The following ZC3H12B variants were observed in gnomAD, a reference collection of about 807,000 sequenced individuals.
ZC3H12B encodes probable ribonuclease ZC3H12B.
A neutral mutation model predicts 43.9 loss-of-function variants in ZC3H12B; 7 were observed. The ratio of observed to expected loss-of-function variants is 0.16; its 90% CI spans 0.09 to 0.30. The LOEUF is 0.30. ZC3H12B is among the 10% of genes least tolerant of loss of function. The pLI is 1.00. For missense variants in ZC3H12B, 475 were observed against 670.2 expected (o/e 0.71, Z 3.22); for synonymous variants, 222 against 241.7 (o/e 0.92, Z 0.76).
chrX:65,116,355 T>G, the ZC3H12B span, among the ~76,000 whole-genome samples: 1 of 111,053 alleles, frequency 9.0e-6, no homozygotes, highest in Non-Finnish European at 1.9e-5. Flanking sequence ...ATCAGTTGGA[T>G]GTAAGTATTT....
rs377456228 is a variant in ZC3H12B at position 65,498,890 on chromosome X, C to A, written c.749-109C>A. On this transcript the variant is annotated intron_variant, in intron 2 of 4. Transcript: ENST00000338957. ...ACAGGGCCTACTTTCCCTCTAAGAG[C>A]AAATAATATCTTCATCCAGTACCAA... The A allele has an allele frequency of 1.7e-4, 100 of 596,677 alleles. 1 individual carries two copies. The East Asian group carries it at 2.2e-3, about 13-fold the overall frequency. 49.2% of individuals were successfully genotyped at this position (596,677 alleles called of 1,213,427 possible). A position where few individuals can be genotyped will look rare whatever the true frequency, so the allele number is the denominator to read the frequency against.
chrX:65,207,176 G>C, the ZC3H12B span, among the ~76,000 whole-genome samples: 2 of 107,216 alleles, frequency 1.9e-5, no homozygotes, highest in African/African-American at 6.8e-5. Context: ...TAGAAAAAAA[G>C]AAGTCATTAT....
At chrX:65,190,329 G>A in the ZC3H12B span, among the ~76,000 whole-genome samples, 2 of 110,828 alleles carry the variant, frequency 1.8e-5, no homozygotes, top group African/African-American at 6.6e-5. Flanking sequence ...TTCTAATTCT[G>A]TGAAGAAAGT....
chrX:65,385,669 T>A (rs1363307585), intron 2 of ZC3H12B, among the ~76,000 whole-genome samples: 1 of 111,545 alleles, frequency 9.0e-6, no homozygotes, highest in Non-Finnish European at 1.9e-5. Context: ...TGGCCAGAAA[T>A]TCCAACACTG....
the ZC3H12B span, among the ~76,000 whole-genome samples, chrX:65,227,524 A>T: frequency 9.0e-6 from 1 of 111,182 alleles, no homozygotes; most frequent in South Asian, 3.7e-4. Flanking sequence ...GCAAGAAATA[A>T]CTAAAATCAG....
the ZC3H12B span, among the ~76,000 whole-genome samples, chrX:65,280,206 C>A: frequency 8.9e-6 from 1 of 112,112 alleles, no homozygotes; most frequent in East Asian, 2.8e-4. Flanking sequence ...ACACCATGAC[C>A]AAATGGGATT....
At chrX:65,365,291 G>A (rs775477751), upstream of ZC3H12B, among the ~76,000 whole-genome samples, 14 of 111,371 alleles carry the variant, frequency 1.3e-4, no homozygotes, top group Non-Finnish European at 2.1e-4. Context: ...ACCCTCTTGA[G>A]TACTCTAATT....
At chrX:65,126,860 T>G in the ZC3H12B span, among the ~76,000 whole-genome samples, 1 of 108,830 alleles carries the variant, frequency 9.2e-6, no homozygotes, top group Non-Finnish European at 1.9e-5. Context: ...TTGTGATTGT[T>G]TTTTTATTTA....
intron 3 of ZC3H12B, among the ~76,000 whole-genome samples, chrX:65,441,819 G>A (rs950050539): frequency 2.7e-5 from 3 of 110,918 alleles, no homozygotes; most frequent in South Asian, 3.9e-4. Context: ...CAGCTGTGGC[G>A]GAGGACAGAC....
the ZC3H12B span, among the ~76,000 whole-genome samples, chrX:65,169,607 T>C: frequency 8.9e-6 from 1 of 111,736 alleles, no homozygotes; most frequent in African/African-American, 3.3e-5. Flanking sequence ...TTCTGTCTTA[T>C]TGATCTGTCT....
chrX:65,276,560 A>T, the ZC3H12B span, among the ~76,000 whole-genome samples: 12 of 110,785 alleles, frequency 1.1e-4, no homozygotes, highest in East Asian at 3.4e-3. Context: ...TGTCTGGCAG[A>T]AAAAAAAACT....
At chrX:65,407,156 GAAGAA>G (rs1352731080) in intron 3 of ZC3H12B, among the ~76,000 whole-genome samples, 26 of 113,162 alleles carry the variant, frequency 2.3e-4, no homozygotes, top group African/African-American at 6.4e-4. Flanking sequence ...GAAGACTGAG[GAAGAA>G]AAGAAAGAAG....
At chrX:65,431,607 A>G (rs2067162656) in intron 3 of ZC3H12B, among the ~76,000 whole-genome samples, 3 of 112,493 alleles carry the variant, frequency 2.7e-5, no homozygotes, top group Admixed American at 9.4e-5. Context: ...TTGATTATTG[A>G]AATTATCCTC....
chrX:65,243,584 A>G, the ZC3H12B span, among the ~76,000 whole-genome samples: 208 of 112,037 alleles, frequency 1.9e-3, no homozygotes, highest in Non-Finnish European at 2.9e-3. Flanking sequence ...AACTAAAAAT[A>G]GAATTATCAT....
chrX:65,225,113 G>C, the ZC3H12B span, among the ~76,000 whole-genome samples: 1 of 111,769 alleles, frequency 8.9e-6, no homozygotes, highest in African/African-American at 3.3e-5. Context: ...CAGCCTAACT[G>C]GGAGGCACCC....
chrX:65,190,698 G>A, the ZC3H12B span, among the ~76,000 whole-genome samples: 2 of 109,818 alleles, frequency 1.8e-5, no homozygotes, highest in Non-Finnish European at 3.8e-5. Flanking sequence ...GAGATTTTGG[G>A]CTGAGACAAT....
the ZC3H12B span, among the ~76,000 whole-genome samples, chrX:65,243,413 ATATAT>A: frequency 2.7e-5 from 3 of 112,066 alleles, no homozygotes; most frequent in Non-Finnish European, 3.8e-5. Context: ...ACCCACAATG[ATATAT>A]TATCTTACTC....
intron 2 of ZC3H12B, among the ~76,000 whole-genome samples, chrX:65,371,192 A>G (rs908149464): frequency 2.7e-5 from 3 of 112,411 alleles, no homozygotes; most frequent in African/African-American, 9.7e-5. Flanking sequence ...GAATTATAAT[A>G]CACATTCACT....
the ZC3H12B span, among the ~76,000 whole-genome samples, chrX:65,146,584 G>A: frequency 2.7e-5 from 3 of 111,631 alleles, no homozygotes; most frequent in Admixed American, 2.9e-4. Context: ...TCTCATTTAG[G>A]TAGTCTCTGT....
Sources: allele counts gnomAD v4.1 joint callset (sites outside exome capture counted in the v4.1 genomes callset), GRCh38; gene constraint gnomAD v4.1.1; transcripts MANE v1.5; gene names NCBI Gene and HGNC (gene_info 2026-07-23, HGNC 2026-07-21).